The following USP9X variants were observed in gnomAD, a reference collection of about 807,000 sequenced individuals.
USP9X encodes ubiquitin carboxyl-terminal hydrolase 9X.
USP9X carries 7 observed loss-of-function variants against 190.3 expected under a neutral mutation model. The ratio of observed to expected loss-of-function variants is 0.04; its 90% confidence interval spans 0.02 to 0.07. The LOEUF (loss-of-function observed/expected upper bound fraction) is 0.07. Among genes scored for constraint, USP9X ranks in the 10% least tolerant of loss-of-function variants. USP9X has a pLI of 1.00. For missense variants in USP9X, 1,010 were observed against 1,916.9 expected, an observed-to-expected ratio of 0.53 and a Z score of 8.83; for synonymous variants, 645 against 659.5, an observed-to-expected ratio of 0.98 and a Z score of 0.34.
rs1164359425 is a variant in USP9X at position 41,165,887 on chromosome X, T to C, written c.2001T>C (p.Asp667=). 8.3e-7 allele frequency: 1 copy of C among 1,204,757 alleles called. No homozygotes were observed. Among genetic ancestry groups the C allele is most frequent in the East Asian group, 3.0e-5 (1 of 33,788 alleles). Reference sequence around the variant, plus strand: ...TTTTTTCAAGATTTTTATTGAAGGATGGTCAGCTGTGGCTATGTGCTCCTC... The same window carrying C: ...TTTTTTCAAGATTTTTATTGAAGGACGGTCAGCTGTGGCTATGTGCTCCTC... ...RLNFLRFLLK[D]GQLWLCAPQA... is the part of the protein sequence containing the mutation. The change falls in exon 16 of 45, where the codon GAT becomes GAC. Residue 667 remains aspartate, a synonymous_variant. Transcript: ENST00000378308.
chrX:41,136,231 C>T (rs2062371482), intron 5 of USP9X, among the ~76,000 whole-genome samples: 1 of 112,055 alleles, frequency 8.9e-6, no homozygotes, highest in South Asian at 3.7e-4. Flanking sequence ...GCCATCTTGG[C>T]TTCCTTGGAG....
At chrX:41,117,902 G>C (rs1269000204) in intron 1 of USP9X, among the ~76,000 whole-genome samples, 1 of 109,642 alleles carries the variant, frequency 9.1e-6, no homozygotes, top group Admixed American at 9.7e-5. Context: ...CTGTCATCCA[G>C]GCTGGAGTTC....
chrX:41,125,684 A>ACACACACACCCTCTCTCTCTCTCTCT, intron 2 of USP9X, among the ~76,000 whole-genome samples: 1 of 19,027 alleles, frequency 5.3e-5, no homozygotes, highest in Non-Finnish European at 9.0e-5. Context: ...ACACACACAC[A>ACACACACACCCTCTCTCTCTCTCTCT]CTCTCTCTCT....
At chrX:41,158,725 C>T (rs1330032118) in intron 14 of USP9X, among the ~76,000 whole-genome samples, 2 of 110,997 alleles carry the variant, frequency 1.8e-5, no homozygotes, top group African/African-American at 3.3e-5. Flanking sequence ...AGTTTTTCCA[C>T]GGACTGGGGG....
intron 30 of USP9X, among the ~76,000 whole-genome samples, chrX:41,200,308 C>T (rs2063030708): frequency 3.6e-5 from 4 of 111,074 alleles, no homozygotes; most frequent in African/African-American, 6.6e-5. Flanking sequence ...TGCCATTGTT[C>T]CCTGTCAACA....
chrX:41,131,334 A>C (rs1249473563), intron 3 of USP9X, 123 bp from the exon 4 acceptor site: 8 of 489,060 alleles, frequency 1.6e-5, no homozygotes, highest in Non-Finnish European at 3.0e-6. Context: ...TTAATATTTT[A>C]ATGTTATTTT....
chrX:41,187,081 C>T (rs2062886782), intron 24 of USP9X, among the ~76,000 whole-genome samples: 1 of 110,754 alleles, frequency 9.0e-6, no homozygotes, highest in Non-Finnish European at 1.9e-5. Flanking sequence ...GATCTGCCTG[C>T]CTCAGCCTCC....
intron 26 of USP9X, among the ~76,000 whole-genome samples, chrX:41,192,448 C>T (rs1452116553): frequency 8.9e-6 from 1 of 111,972 alleles, no homozygotes; most frequent in Non-Finnish European, 1.9e-5. Context: ...GCTGTTTCCA[C>T]AGCCTGTTGT....
intron 38 of USP9X, among the ~76,000 whole-genome samples, chrX:41,220,652 C>T (rs1326097416): frequency 8.9e-6 from 1 of 112,352 alleles, no homozygotes; most frequent in Admixed American, 9.4e-5. Flanking sequence ...TTGACAGCAA[C>T]TTAATGAAAA....
In USP9X at chrX:41,140,640, A is replaced by AT. The variant is rs767680555; in HGVS notation, c.655-14dup. On this transcript the variant is annotated splice_polypyrimidine_tract_variant and intron_variant, in intron 6 of 44. Transcript: ENST00000378308. ...TTAAAGTAGGAAGTTAACTTTTTTC[A>AT]TTAATTGTGTTACAGGGTTGGCTAG... 1 of 1,162,165 alleles carries AT rather than the reference A, an allele frequency of 8.6e-7. No homozygotes were observed. The highest frequency in any genetic ancestry group is 1.9e-5 in the South Asian group (1 of 51,709).
intron 1 of USP9X, among the ~76,000 whole-genome samples, chrX:41,121,256 A>G (rs1443766523): frequency 9.0e-6 from 1 of 111,570 alleles, no homozygotes; most frequent in South Asian, 3.7e-4. Context: ...ATGTACGTCA[A>G]CTTTTTTTTG....
chrX:41,222,289 A>AGAAG (rs1277186957), intron 38 of USP9X, among the ~76,000 whole-genome samples: 1 of 111,097 alleles, frequency 9.0e-6, no homozygotes, highest in East Asian at 2.8e-4. Context: ...TTAAGAGACA[A>AGAAG]GGAGGAGTCG....
intron 26 of USP9X, among the ~76,000 whole-genome samples, chrX:41,194,281 T>C (rs1569188171): frequency 8.9e-6 from 1 of 111,880 alleles, no homozygotes; most frequent in Non-Finnish European, 1.9e-5. Context: ...AGGGCTGGGC[T>C]CAGTGACTCA....
At chrX:41,158,933 C>T (rs899056744) in intron 14 of USP9X, among the ~76,000 whole-genome samples, 7 of 112,120 alleles carry the variant, frequency 6.2e-5, no homozygotes, top group African/African-American at 2.3e-4. Flanking sequence ...AGGGAACTTC[C>T]TCTACCTGAT....
chrX:41,204,330 A>G (rs1331064398), intron 31 of USP9X, among the ~76,000 whole-genome samples: 1 of 110,953 alleles, frequency 9.0e-6, no homozygotes, highest in Non-Finnish European at 1.9e-5. Flanking sequence ...TGATTTGCAG[A>G]TACTTTCTTT....
chrX:41,190,561 G>A (rs964605018), intron 26 of USP9X, among the ~76,000 whole-genome samples: 13 of 111,826 alleles, frequency 1.2e-4, no homozygotes, highest in African/African-American at 3.9e-4. Flanking sequence ...TGATGCATAC[G>A]TGTGGGAATG....
chrX:41,094,826 G>A (rs1038968354), intron 1 of USP9X, among the ~76,000 whole-genome samples: 1 of 108,796 alleles, frequency 9.2e-6, no homozygotes, highest in Non-Finnish European at 1.9e-5. Context: ...ATCACTTGAG[G>A]TCAGGAGTTC....
chrX:41,236,231 G>A lies in USP9X; in HGVS notation c.*3707G>A, dbSNP rs1371566662. The A allele has an allele frequency of 1.8e-5, 2 of 111,666 alleles. No homozygotes were observed. Among genetic ancestry groups the A allele is most frequent in the African/African-American group, 6.5e-5 (2 of 30,702 alleles). 9.2% of individuals were successfully genotyped at this position (111,666 alleles called of 1,213,427 possible). On this transcript the variant is annotated 3_prime_UTR_variant, in exon 45 of 45. Transcript: ENST00000378308. ...CAGAATTGGTCCTACATATATGTGA[G>A]TGTTCAGTTTTTGCAAATAAGGTTT...
In USP9X at chrX:41,139,775, T is replaced by C. The variant is rs1421562285; in HGVS notation, c.655-881T>C. Among the ~76,000 whole-genome samples the C allele has an allele frequency of 2.7e-5, 3 of 112,231 alleles. No individual in the cohort carries two copies. In the South Asian group the frequency reaches 1.1e-3, roughly 41 times the overall value. On this transcript the variant is annotated intron_variant, in intron 6 of 44. Transcript: ENST00000378308. ...CTTTTTCCTGTATTTTTTTTTTAAATAGCTGTAGAAATTATTTTTGCTTAA... is the reference window on the plus strand; with the variant it reads ...CTTTTTCCTGTATTTTTTTTTTAAACAGCTGTAGAAATTATTTTTGCTTAA...
Sources: allele counts gnomAD v4.1 joint callset (sites outside exome capture counted in the v4.1 genomes callset), GRCh38; gene constraint gnomAD v4.1.1; transcripts MANE v1.5; gene names NCBI Gene and HGNC (gene_info 2026-07-23, HGNC 2026-07-21).